FHAD1: variants seen among roughly 807,000 people sequenced by gnomAD.
FHAD1 encodes the protein forkhead-associated domain-containing protein 1.
FHAD1 carries 146 observed loss-of-function variants against 191.3 expected under a neutral mutation model. The ratio of observed to expected loss-of-function variants is 0.76; its 90% CI spans 0.67 to 0.88. The LOEUF (loss-of-function observed/expected upper bound fraction) is 0.88, where lower values mean the gene tolerates loss of function less well. Among genes scored for constraint, FHAD1 ranks in the 40% least tolerant of loss-of-function variants. The probability of loss-of-function intolerance (pLI) is 0.00; values close to 1 mark genes in which losing one functional copy is unlikely to be tolerated. For synonymous variants in FHAD1, 616 were observed against 672.3 expected (o/e 0.92, Z 1.29); for missense variants, 1,635 against 1,785.8 (o/e 0.92, Z 1.52).
rs1339165630 is a variant in FHAD1 at position 15,358,207 on chromosome 1, A to G, written c.2660A>G (p.Glu887Gly). ...GAGACTCAGAAAACAAAGGCAACTG[A>G]AAGTCTAAAAGCAGAGAGCCTCGCC... ...VEETQKTKAT[E>G]SLKAESLALK... The change falls in exon 21 of 34, where the codon GAA becomes GGA. Residue 887 changes from glutamate (E) to glycine (G), a missense_variant. Physicochemically the swap from Glu to Gly is moderately conservative, Grantham distance 98 (BLOSUM62 -2). Transcript: ENST00000688493. The G allele has an allele frequency of 6.5e-6, 10 of 1,541,326 alleles. No individual in the cohort carries two copies. Among genetic ancestry groups the G allele is most frequent in the Non-Finnish European group, 7.9e-6 (9 of 1,144,886 alleles).
downstream of FHAD1, among the ~76,000 whole-genome samples, chr1:15,399,070 C>T (rs1261033483): frequency 1.3e-5 from 2 of 152,184 alleles, no homozygotes; most frequent in African/African-American, 4.8e-5. Flanking sequence ...GATCCACCCA[C>T]CTTGGCGTCC....
At position 15,329,118 on chromosome 1, in the gene FHAD1, T is replaced by G. The variant is rs894785077; in HGVS notation, c.1711-228T>G. The G allele has an allele frequency of 5.0e-6, 2 of 397,416 alleles. No individual in the cohort carries two copies. Among genetic ancestry groups the G allele is most frequent in the Non-Finnish European group, 9.1e-6 (2 of 220,208 alleles). 24.6% of individuals were successfully genotyped at this position (397,416 alleles called of 1,614,324 possible). Reference sequence around the variant, plus strand: ...CTTTGGCTCTGGGGTTTCATAGACCTAAAAGGGGGTTCGCTTTGACCATCA... The same window carrying G: ...CTTTGGCTCTGGGGTTTCATAGACCGAAAAGGGGGTTCGCTTTGACCATCA... On this transcript the variant is annotated intron_variant, in intron 13 of 33. Coordinates refer to ENST00000688493, the MANE Select transcript of FHAD1 (RefSeq NM_001391957.1). The surrounding 1 kb of genome is among the most constrained non-coding windows in gnomAD (Gnocchi z 5.0).
rs971319001 is a variant in FHAD1, at chr1:15,318,828, T to C, written c.1365+900T>C. Among the ~76,000 whole-genome samples, 2 of 152,140 alleles carry C rather than the reference T, an allele frequency of 1.3e-5. No individual in the cohort carries two copies. Among genetic ancestry groups the C allele is most frequent in the Non-Finnish European group, 2.9e-5 (2 of 68,026 alleles). ...TGACCTCTTTTAGCAACATAACCAA[T>C]TGAAGAGTTGTATAAAAGATGCTTA... is the stretch of plus-strand genomic sequence containing the variant. On this transcript the variant is annotated intron_variant, in intron 10 of 33. Transcript: ENST00000688493. This position sits in a 1 kb window ranked among gnomAD's most constrained non-coding sequence, Gnocchi z 4.1.
chr1:15,330,981 G>A (rs1037264336), intron 14 of FHAD1, among the ~76,000 whole-genome samples: 1 of 152,124 alleles, frequency 6.6e-6, no homozygotes, highest in East Asian at 1.9e-4. Context: ...AGGGCAGGGT[G>A]GGGATGGAGA....
At chr1:15,241,850 T>C (rs1466503342) in intron 1 of FHAD1, among the ~76,000 whole-genome samples, 1 of 152,112 alleles carries the variant, frequency 6.6e-6, no homozygotes, top group Non-Finnish European at 1.5e-5. Flanking sequence ...AAAATTCAAA[T>C]GGTGTCTCAG....
intron 33 of FHAD1, among the ~76,000 whole-genome samples, chr1:15,394,443 T>C (rs1705248236): frequency 6.6e-6 from 1 of 152,148 alleles, no homozygotes; most frequent in Admixed American, 6.5e-5. Flanking sequence ...GAGTTTGCTG[T>C]CTGTTTTCTT....
chr1:15,305,108 C>T (rs1391732317), intron 6 of FHAD1, among the ~76,000 whole-genome samples: 1 of 152,226 alleles, frequency 6.6e-6, no homozygotes, highest in African/African-American at 2.4e-5. Context: ...AAAATACTAT[C>T]AGTCTACCTT....
intron 6 of FHAD1, among the ~76,000 whole-genome samples, chr1:15,304,511 G>C (rs1480329607): frequency 6.6e-6 from 1 of 152,136 alleles, no homozygotes; most frequent in African/African-American, 2.4e-5. Context: ...CATCCCTTCT[G>C]GAAGTTTCTC....
rs145053540 is a variant in FHAD1 at position 15,391,582 on chromosome 1, A to G, written c.4323+319A>G. On this transcript the variant is annotated intron_variant, in intron 33 of 33. Transcript: ENST00000688493. The stretch of plus-strand genomic sequence containing the variant: ...CAGCCCTGGAACTGGAATTGATCCA[A>G]TCCACACTCCTGCTTTGCAGAAAGT... Among the ~76,000 whole-genome samples, 108 of 152,322 alleles carry G rather than the reference A, an allele frequency of 7.1e-4. 1 individual carries two copies. Among genetic ancestry groups the G allele is most frequent in the African/African-American group, 2.3e-3 (96 of 41,568 alleles).
At position 15,312,871 on chromosome 1, in the gene FHAD1, CCTT is replaced by C. The variant is rs1410485793; in HGVS notation, c.1040-183_1040-181del. ...CAGCAACACGCACTGACTGACCTCT[CCTT>C]CTCACTGGGACCTTGAACAAATGAT... On this transcript the variant is annotated intron_variant, in intron 7 of 33. Coordinates refer to ENST00000688493, the MANE Select transcript of FHAD1 (RefSeq NM_001391957.1). The surrounding 1 kb of genome is among the most constrained non-coding windows in gnomAD (Gnocchi z 4.7). Among the ~76,000 whole-genome samples, 2 of 152,154 alleles carry C rather than the reference CCTT, an allele frequency of 1.3e-5. No homozygotes were observed. The highest frequency in any genetic ancestry group is 4.8e-5 in the African/African-American group (2 of 41,442).
In FHAD1 at chr1:15,301,445, G is replaced by A; in HGVS notation, c.915+4G>A. 1 of 1,551,334 alleles carries A rather than the reference G, an allele frequency of 6.4e-7. No homozygotes were observed. The highest frequency in any genetic ancestry group is 1.4e-5 in the African/African-American group (1 of 73,130). On this transcript the variant is annotated splice_donor_region_variant and intron_variant, in intron 6 of 33. Coordinates refer to ENST00000688493, the MANE Select transcript of FHAD1 (RefSeq NM_001391957.1). The stretch of plus-strand genomic sequence containing the variant: ...GATCCAGAGCTTGAAAAGCCAGGTA[G>A]GCAGAGCCTGAGAGGTACAGCACAG...
intron 18 of FHAD1, 132 bp from the exon 19 acceptor site, chr1:15,348,910 A>G: frequency 1.6e-6 from 1 of 630,942 alleles, no homozygotes; most frequent in Admixed American, 2.9e-5. Context: ...CCAGGGGCCC[A>G]GGTGTATTTA....
intron 2 of FHAD1, among the ~76,000 whole-genome samples, 194 bp from the exon 3 acceptor site, chr1:15,272,129 A>G (rs1656306599): frequency 6.6e-6 from 1 of 152,060 alleles, no homozygotes; most frequent in Admixed American, 6.6e-5. Flanking sequence ...ACATATCCCA[A>G]GCTCCTTCAC....
intron 2 of FHAD1, among the ~76,000 whole-genome samples, chr1:15,265,108 A>C (rs1652842110): frequency 6.6e-6 from 1 of 152,194 alleles, no homozygotes; most frequent in South Asian, 2.1e-4. Context: ...ATCAGTATTC[A>C]TTAGGGATAT....
At chr1:15,341,561 C>G (rs1558163800) in intron 15 of FHAD1, among the ~76,000 whole-genome samples, 175 bp from the exon 16 acceptor site, 2 of 152,254 alleles carry the variant, frequency 1.3e-5, no homozygotes, top group Non-Finnish European at 2.9e-5. Flanking sequence ...GGGATTCTTT[C>G]TAGATCCAGA....
intron 2 of FHAD1, among the ~76,000 whole-genome samples, chr1:15,261,628 A>C (rs367761121): frequency 1.3e-5 from 2 of 152,280 alleles, no homozygotes; most frequent in East Asian, 3.9e-4. Context: ...CTCCCAGAGA[A>C]GCTGAGCAAG....
chr1:15,317,146 G>A (rs966596543), intron 9 of FHAD1, among the ~76,000 whole-genome samples: 6 of 152,282 alleles, frequency 3.9e-5, no homozygotes, highest in African/African-American at 1.2e-4. Context: ...AGCCGAGATC[G>A]TGCCATTGCA....
chr1:15,363,810 G>A (rs779972315), intron 23 of FHAD1: 2 of 455,708 alleles, frequency 4.4e-6, no homozygotes, highest in South Asian at 3.1e-5. Context: ...GAATGGGAAA[G>A]ATCCAGAAAG....
At chr1:15,331,656 C>T (rs933991380) in intron 14 of FHAD1, among the ~76,000 whole-genome samples, 2 of 126,620 alleles carry the variant, frequency 1.6e-5, no homozygotes, top group African/African-American at 5.9e-5. Flanking sequence ...GGAAGGAAGG[C>T]AGGAGGGAAG....
Sources: gnomAD v4.1 joint callset for allele counts (sites outside exome capture counted in the v4.1 genomes callset) on GRCh38, gnomAD v4.1.1 for gene constraint, Gnocchi (gnomAD v3.1) non-coding constraint, MANE v1.5 for transcripts, NCBI Gene and HGNC (gene_info 2026-07-23, HGNC 2026-07-21) for gene names.